The following HDX variants were observed in gnomAD, a reference collection of about 807,000 sequenced individuals.
HDX encodes highly divergent homeobox, also known as chromosome X open reading frame 43.
In HDX, 19 loss-of-function variants were observed where a neutral mutation model predicts 45.2. The observed-to-expected ratio is 0.42, with a 90% CI of 0.29 to 0.62. The LOEUF (loss-of-function observed/expected upper bound fraction) is 0.62, where lower values mean the gene tolerates loss of function less well. HDX is among the 20% of genes least tolerant of loss of function. The probability of loss-of-function intolerance (pLI) is 0.20; values close to 1 mark genes in which losing one functional copy is unlikely to be tolerated. For missense variants in HDX, 532 were observed against 493.9 expected (o/e 1.08, Z -0.73); for synonymous variants, 188 against 172.8 (o/e 1.09, Z -0.69).
intron 1 of HDX, among the ~76,000 whole-genome samples, chrX:84,496,329 G>A (rs1461433353): frequency 1.8e-5 from 2 of 111,440 alleles, no homozygotes; most frequent in African/African-American, 6.5e-5. Context: ...TGTTGTACAG[G>A]AAGTAAGATT....
intron 7 of HDX, among the ~76,000 whole-genome samples, chrX:84,341,073 G>A (rs892175206): frequency 1.4e-4 from 16 of 110,363 alleles, no homozygotes; most frequent in Non-Finnish European, 2.7e-4. Flanking sequence ...GTTGGGAAAC[G>A]AAACTTCACT....
chrX:84,358,890 C>T (rs1207337451), intron 6 of HDX, among the ~76,000 whole-genome samples: 1 of 110,824 alleles, frequency 9.0e-6, no homozygotes, highest in Admixed American at 9.7e-5. Context: ...ATACTTCCCT[C>T]TTGATCTACT....
At chrX:84,372,679 G>A (rs929872404) in intron 5 of HDX, among the ~76,000 whole-genome samples, 4 of 111,837 alleles carry the variant, frequency 3.6e-5, no homozygotes, top group African/African-American at 1.3e-4. Flanking sequence ...AACTAAAAGC[G>A]AGAATTGTTC....
At chrX:84,464,889 A>G (rs1428263425) in intron 4 of HDX, among the ~76,000 whole-genome samples, 1 of 111,753 alleles carries the variant, frequency 8.9e-6, no homozygotes, top group Non-Finnish European at 1.9e-5. Context: ...TGAACAGGCA[A>G]CCTACAGAAT....
chrX:84,406,251 C>T lies in HDX; in HGVS notation c.1305+34281G>A, dbSNP rs1834814907. The stretch of plus-strand genomic sequence containing the variant: ...ATAGTATGCCAACATAGACAAGGTC[C>T]ATATTTTCATGGAATTTTAAATCCT... On this transcript the variant is annotated intron_variant, in intron 5 of 10. Transcript: ENST00000373177. Among the ~76,000 whole-genome samples the T allele has an allele frequency of 3.6e-5, 4 of 110,716 alleles. No individual in the cohort carries two copies. In the Admixed American group the frequency reaches 3.9e-4, roughly 11 times the overall value.
intron 5 of HDX, among the ~76,000 whole-genome samples, chrX:84,394,409 G>T (rs1249629637): frequency 9.0e-6 from 1 of 111,655 alleles, no homozygotes; most frequent in Non-Finnish European, 1.9e-5. Context: ...CTTGTTTTTT[G>T]TCTTATCATA....
At chrX:84,470,438 T>C (rs975212487) in intron 3 of HDX, among the ~76,000 whole-genome samples, 1 of 111,768 alleles carries the variant, frequency 8.9e-6, no homozygotes, top group East Asian at 2.8e-4. Context: ...TTACCTATTT[T>C]TATATTGAGG....
intron 5 of HDX, among the ~76,000 whole-genome samples, chrX:84,412,621 C>G (rs145723094): frequency 0.11 from 11,805 of 110,677 alleles, 607 homozygotes; most frequent in South Asian, 0.27. Context: ...TCATTACAAT[C>G]TTGGAGAATC....
At chrX:84,442,929 T>C (rs1486819204) in intron 4 of HDX, among the ~76,000 whole-genome samples, 1 of 111,808 alleles carries the variant, frequency 8.9e-6, no homozygotes, top group Non-Finnish European at 1.9e-5. Flanking sequence ...ATAGAATTTG[T>C]ATAAACACTG....
intron 5 of HDX, among the ~76,000 whole-genome samples, chrX:84,423,483 C>A (rs866592018): frequency 1.7e-3 from 102 of 59,311 alleles, no homozygotes; most frequent in Admixed American, 3.8e-3. Flanking sequence ...ACAGAAACAT[C>A]AAAAAAAAAA....
At chrX:84,469,665 G>T in intron 3 of HDX, 90 bp from the exon 4 acceptor site, 1 of 751,647 alleles carries the variant, frequency 1.3e-6, no homozygotes. Context: ...ATTTTCATTT[G>T]TCTTGGAACC....
intron 1 of HDX, among the ~76,000 whole-genome samples, chrX:84,492,132 T>C (rs2148199007): frequency 9.0e-6 from 1 of 111,040 alleles, no homozygotes; most frequent in African/African-American, 3.3e-5. Context: ...CTTTTTGGGC[T>C]CCTTTCACCT....
intron 9 of HDX, among the ~76,000 whole-genome samples, chrX:84,327,245 A>G (rs2036733418): frequency 8.9e-6 from 1 of 111,978 alleles, no homozygotes; most frequent in Non-Finnish European, 1.9e-5. Context: ...TGCCAGGTCT[A>G]CTGATAACTG....
intron 5 of HDX, among the ~76,000 whole-genome samples, chrX:84,377,871 T>C (rs1045064086): frequency 9.0e-6 from 1 of 111,264 alleles, no homozygotes; most frequent in African/African-American, 3.3e-5. Context: ...TTCCTGAACC[T>C]AGAGAATGAT....
chrX:84,485,252 G>T (rs956695617), intron 2 of HDX, among the ~76,000 whole-genome samples: 2 of 111,719 alleles, frequency 1.8e-5, no homozygotes, highest in African/African-American at 6.5e-5. Context: ...TGTCAATTAG[G>T]TCATGTTGTT....
intron 4 of HDX, among the ~76,000 whole-genome samples, chrX:84,467,260 T>C (rs922265245): frequency 3.6e-5 from 4 of 111,247 alleles, no homozygotes; most frequent in Non-Finnish European, 5.7e-5. Context: ...AAGAAGATGG[T>C]TCCTTAAACT....
chrX:84,325,990 G>A (rs1028096508), intron 10 of HDX, among the ~76,000 whole-genome samples, 188 bp downstream of exon 10: 5 of 111,576 alleles, frequency 4.5e-5, no homozygotes, highest in Middle Eastern at 4.2e-3. Flanking sequence ...ATTTTCCACT[G>A]AAGGAGCACA....
intron 2 of HDX, among the ~76,000 whole-genome samples, chrX:84,479,098 G>A (rs73508947): frequency 0.017 from 1,913 of 111,290 alleles, 38 homozygotes; most frequent in African/African-American, 0.06. Context: ...CTTACATACA[G>A]TAAAATTCAC....
At chrX:84,462,748 A>G (rs1346556175) in intron 4 of HDX, among the ~76,000 whole-genome samples, 1 of 111,503 alleles carries the variant, frequency 9.0e-6, no homozygotes, top group Non-Finnish European at 1.9e-5. Context: ...AATTAATGAA[A>G]TAGAAATTTT....
Sources: gnomAD v4.1 joint callset for allele counts (sites outside exome capture counted in the v4.1 genomes callset) on GRCh38, gnomAD v4.1.1 for gene constraint, MANE v1.5 for transcripts, NCBI Gene and HGNC (gene_info 2026-07-23, HGNC 2026-07-21) for gene names.